DSCAM: variants seen among roughly 807,000 people sequenced by gnomAD.
DSCAM encodes the protein DS cell adhesion molecule.
In DSCAM, 47 loss-of-function variants were observed where a neutral mutation model predicts 217.7. The observed-to-expected ratio is 0.22, with a 90% CI of 0.17 to 0.28. The LOEUF (loss-of-function observed/expected upper bound fraction) is 0.28. Among genes scored for constraint, DSCAM ranks in the 10% least tolerant of loss-of-function variants. The pLI, the probability that DSCAM is intolerant of heterozygous loss-of-function variation, is 1.00. For missense variants in DSCAM, 2,080 were observed against 2,618.3 expected, an observed-to-expected ratio of 0.79 and a Z score of 4.49; for synonymous variants, 1,056 against 1,015.3, an observed-to-expected ratio of 1.04 and a Z score of -0.76.
At chr21:40,048,478 A>G (rs910015842) in intron 30 of DSCAM, among the ~76,000 whole-genome samples, 1 of 152,124 alleles carries the variant, frequency 6.6e-6, no homozygotes, top group Admixed American at 6.5e-5. Context: ...TGTTTTCACT[A>G]CTGACAGAGA....
intron 3 of DSCAM, among the ~76,000 whole-genome samples, chr21:40,443,716 C>T (rs1307240068): frequency 6.6e-6 from 1 of 152,038 alleles, no homozygotes; most frequent in Non-Finnish European, 1.5e-5. Flanking sequence ...AGGTAATGTC[C>T]TCATAACAAA....
chr21:40,169,791 C>T (rs2090635990), intron 15 of DSCAM, among the ~76,000 whole-genome samples: 1 of 152,132 alleles, frequency 6.6e-6, no homozygotes, highest in Non-Finnish European at 1.5e-5. Flanking sequence ...TGTTTGTTCC[C>T]TGCACCCCTC....
At chr21:40,676,557 T>C (rs2142129) in intron 3 of DSCAM, among the ~76,000 whole-genome samples, 70,182 of 152,008 alleles carry the variant, frequency 0.46, 16,612 homozygotes, top group East Asian at 0.59. Flanking sequence ...GTTTTTTTGT[T>C]TTGTTTTGTT....
chr21:40,059,761 G>A (rs751798323), intron 28 of DSCAM, among the ~76,000 whole-genome samples: 13 of 152,330 alleles, frequency 8.5e-5, no homozygotes, highest in Admixed American at 2.6e-4. Flanking sequence ...CTGAAAACCA[G>A]CTTATGGCCA....
At chr21:40,711,790 C>G (rs2090783251) in intron 1 of DSCAM, among the ~76,000 whole-genome samples, 1 of 152,192 alleles carries the variant, frequency 6.6e-6, no homozygotes, top group African/African-American at 2.4e-5. Context: ...AGACCGCTAT[C>G]ATCAGAGCTT....
intron 30 of DSCAM, among the ~76,000 whole-genome samples, chr21:40,048,736 G>A (rs1042621960): frequency 1.2e-4 from 19 of 152,206 alleles, no homozygotes; most frequent in African/African-American, 4.6e-4. Context: ...TTCTCTGCAA[G>A]TATGCCAAAC....
intron 23 of DSCAM, 132 bp downstream of exon 23, chr21:40,085,470 T>G: frequency 1.2e-6 from 1 of 813,074 alleles, no homozygotes; most frequent in Non-Finnish European, 1.7e-6. Flanking sequence ...ACATGTGTTT[T>G]CTTTTTCTGT....
In DSCAM at chr21:40,012,955, T is replaced by C. The variant is rs556780108; in HGVS notation, c.*79A>G. The stretch of plus-strand genomic sequence containing the variant: ...GGCAATTTTCTTTAATTATAAATAT[T>C]GGAATTCCGTAAAAAAAAGGTAGCT... On this transcript the variant is annotated 3_prime_UTR_variant, in exon 33 of 33. Transcript: ENST00000400454. 445 of 1,082,168 alleles carry C rather than the reference T, an allele frequency of 4.1e-4. 1 individual carries two copies. The highest frequency in any genetic ancestry group is 2.1e-3 in the Middle Eastern group (7 of 3,308). The allele number at this position is 1,082,168 out of a possible 1,614,324, so 67.0% of individuals were successfully genotyped here. A position where few individuals can be genotyped will look rare whatever the true frequency, so the allele number is the denominator to read the frequency against.
intron 3 of DSCAM, among the ~76,000 whole-genome samples, chr21:40,535,048 A>G (rs1002204668): frequency 2.6e-5 from 4 of 152,146 alleles, no homozygotes; most frequent in Admixed American, 2.0e-4. Flanking sequence ...GTAACCTTTG[A>G]TACCAAGTCA....
chr21:40,367,557 A>G (rs1384481194), intron 4 of DSCAM, among the ~76,000 whole-genome samples: 1 of 152,228 alleles, frequency 6.6e-6, no homozygotes, highest in African/African-American at 2.4e-5. Flanking sequence ...TTCAGTGTCT[A>G]CAGTCTCATC....
At chr21:40,428,583 T>C (rs2075499490) in intron 3 of DSCAM, among the ~76,000 whole-genome samples, 1 of 152,158 alleles carries the variant, frequency 6.6e-6, no homozygotes, top group Non-Finnish European at 1.5e-5. Context: ...AATACTATTT[T>C]ATTATCAATT....
At chr21:40,752,028 G>T (rs1471893750) in intron 1 of DSCAM, among the ~76,000 whole-genome samples, 1 of 152,056 alleles carries the variant, frequency 6.6e-6, no homozygotes, top group Non-Finnish European at 1.5e-5. Context: ...TAGCCCAACT[G>T]GATGGCAAAC....
chr21:40,838,868 C>T (rs909688188), intron 1 of DSCAM, among the ~76,000 whole-genome samples: 4 of 152,130 alleles, frequency 2.6e-5, no homozygotes, highest in Non-Finnish European at 4.4e-5. Flanking sequence ...GATTTCCAAC[C>T]TGTAAATCAG....
At chr21:40,756,396 C>T (rs1053809458) in intron 1 of DSCAM, among the ~76,000 whole-genome samples, 1 of 151,480 alleles carries the variant, frequency 6.6e-6, no homozygotes, top group African/African-American at 2.4e-5. Context: ...TACTCAGTCT[C>T]TTTTTTTTTG....
chr21:40,402,156 T>C (rs900393012), intron 3 of DSCAM, among the ~76,000 whole-genome samples: 4 of 142,050 alleles, frequency 2.8e-5, no homozygotes, highest in Non-Finnish European at 4.6e-5. Context: ...GCCTCCTGGG[T>C]TCACGTCATT....
intron 11 of DSCAM, among the ~76,000 whole-genome samples, chr21:40,226,135 T>C (rs1258692294): frequency 2.6e-5 from 4 of 152,036 alleles, no homozygotes; most frequent in Non-Finnish European, 5.9e-5. Context: ...AGAGATGGAG[T>C]TAGTACATCG....
intron 3 of DSCAM, among the ~76,000 whole-genome samples, chr21:40,441,455 AGTTTT>A (rs578080213): frequency 1.0e-3 from 157 of 152,296 alleles, no homozygotes; most frequent in African/African-American, 3.2e-3. Flanking sequence ...CATTCTCTTC[AGTTTT>A]GTTTTGGTAC....
chr21:40,430,410 T>C (rs2075519431), intron 3 of DSCAM, among the ~76,000 whole-genome samples: 1 of 152,134 alleles, frequency 6.6e-6, no homozygotes, highest in Non-Finnish European at 1.5e-5. Flanking sequence ...TGCCAGCAAA[T>C]ATTAAGCAGG....
intron 20 of DSCAM, among the ~76,000 whole-genome samples, chr21:40,112,897 G>A (rs921119619): frequency 2.0e-5 from 3 of 152,064 alleles, no homozygotes; most frequent in African/African-American, 7.2e-5. Flanking sequence ...AGACCAATAA[G>A]AGGCTCTGAA....
Sources: gnomAD v4.1 joint callset for allele counts (sites outside exome capture counted in the v4.1 genomes callset) on GRCh38, gnomAD v4.1.1 for gene constraint, MANE v1.5 for transcripts, NCBI Gene and HGNC (gene_info 2026-07-23, HGNC 2026-07-21) for gene names.